WWC2: variants seen among roughly 807,000 people sequenced by gnomAD.
The protein encoded by WWC2 is protein WWC2.
In WWC2, 101 loss-of-function variants were observed where a neutral mutation model predicts 138.5. The ratio of observed to expected loss-of-function variants is 0.73; its 90% confidence interval spans 0.62 to 0.86. The LOEUF (loss-of-function observed/expected upper bound fraction) is 0.86. WWC2 is among the 40% of genes least tolerant of loss of function. The pLI is 0.00. For synonymous variants in WWC2, 558 were observed against 538.4 expected (o/e 1.04, Z -0.50); for missense variants, 1,420 against 1,419.4 (o/e 1.00, Z -0.01).
chr4:183,297,426 T>TGAC (rs1738670233), intron 21 of WWC2, among the ~76,000 whole-genome samples: 1 of 151,588 alleles, frequency 6.6e-6, no homozygotes, highest in Non-Finnish European at 1.5e-5. Flanking sequence ...TTTTTTTTTT[T>TGAC]GACATGGAGC....
At chr4:183,266,599 GT>G (rs1420556985) in intron 14 of WWC2, among the ~76,000 whole-genome samples, 1 of 152,186 alleles carries the variant, frequency 6.6e-6, no homozygotes, top group African/African-American at 2.4e-5. Context: ...TGACATCAGA[GT>G]TTCAGTGACT....
intron 4 of WWC2, among the ~76,000 whole-genome samples, chr4:183,237,236 T>A (rs551178545): frequency 6.6e-6 from 1 of 152,282 alleles, no homozygotes; most frequent in African/African-American, 2.4e-5. Context: ...TGTAACAAAC[T>A]ATTTTCAATG....
intron 1 of WWC2, among the ~76,000 whole-genome samples, chr4:183,147,932 A>G (rs1733510964): frequency 6.6e-6 from 1 of 152,236 alleles, no homozygotes; most frequent in South Asian, 2.1e-4. Context: ...AACAGCCTTT[A>G]TAAAATAAAT....
intron 1 of WWC2, among the ~76,000 whole-genome samples, chr4:183,101,348 A>G (rs902620146): frequency 5.3e-5 from 8 of 152,370 alleles, no homozygotes; most frequent in Middle Eastern, 3.4e-3. Flanking sequence ...CAAGTCAAGC[A>G]TGTCCTTTAT....
intron 21 of WWC2, among the ~76,000 whole-genome samples, chr4:183,304,897 A>G (rs1176151877): frequency 2.0e-5 from 3 of 152,210 alleles, no homozygotes; most frequent in Non-Finnish European, 4.4e-5. Context: ...GAGTTTAAAG[A>G]GGCAAAACAA....
intron 1 of WWC2, among the ~76,000 whole-genome samples, chr4:183,132,099 T>C (rs575239695): frequency 4.1e-4 from 62 of 152,324 alleles, no homozygotes; most frequent in African/African-American, 1.5e-3. Flanking sequence ...AGTTTTATAA[T>C]ATTGATAACA....
chr4:183,217,309 T>C (rs1735785706), intron 4 of WWC2, among the ~76,000 whole-genome samples: 2 of 152,156 alleles, frequency 1.3e-5, no homozygotes, highest in Admixed American at 6.5e-5. Context: ...TTTGGGAGTG[T>C]TGGGTATATT....
Position 183,289,524 on chromosome 4 carries a change from G to C in WWC2, c.3273G>C (p.Arg1091Ser). Residue 1091 changes from arginine (R) to serine (S), a missense_variant, in exon 21 of 23, where the codon AGG becomes AGC. Arg to Ser is a moderately radical substitution (Grantham distance 110). Transcript: ENST00000403733. ...SRLNDELQAL[R>S]DLRQKLEELK... is the part of the protein sequence containing the mutation. ...TCAATGATGAGCTGCAGGCGCTGAG[G>C]GACTTGCGGCAGAAGCTGGAGGAAC... The C allele has an allele frequency of 6.2e-7, 1 of 1,613,974 alleles. No individual in the cohort carries two copies. Among genetic ancestry groups the C allele is most frequent in the Non-Finnish European group, 8.5e-7 (1 of 1,179,884 alleles).
At chr4:183,293,157 G>C (rs759307975) in intron 21 of WWC2, among the ~76,000 whole-genome samples, 1 of 152,150 alleles carries the variant, frequency 6.6e-6, no homozygotes, top group African/African-American at 2.4e-5. Context: ...GTTTTGCCAT[G>C]TTGGCCAGAC....
Position 183,312,358 on chromosome 4 carries a change from A to C in WWC2, c.3402A>C (p.Glu1134Asp). 6.2e-7 allele frequency: 1 copy of C among 1,613,602 alleles called. No homozygotes were observed. The highest frequency in any genetic ancestry group is 1.1e-5 in the South Asian group (1 of 91,060). Residue 1134 changes from glutamate (E) to aspartate (D), a missense_variant, in exon 22 of 23, where the codon GAA (glutamate) becomes GAC (aspartate). By Grantham distance (45) the Glu-to-Asp change is conservative. Coordinates refer to ENST00000403733, the MANE Select transcript of WWC2 (RefSeq NM_024949.6). The part of the protein sequence containing the change: ...QAEKQAEQSK[E>D]EQKQGLNAEK... ...TTTTCCAGGCTGAACAGTCCAAAGA[A>C]GAGCAGAAGCAAGGTCTGAATGCAG...
intron 4 of WWC2, among the ~76,000 whole-genome samples, chr4:183,234,179 T>C (rs940102856): frequency 6.6e-6 from 1 of 152,244 alleles, no homozygotes; most frequent in African/African-American, 2.4e-5. Flanking sequence ...TTTTCAGTCC[T>C]ACTTACCACG....
At chr4:183,245,282 A>T in intron 5 of WWC2, 134 bp from the exon 6 acceptor site, 1 of 500,234 alleles carries the variant, frequency 2.0e-6, no homozygotes, top group Non-Finnish European at 3.0e-6. Context: ...GCCTGAAAAG[A>T]TGATTGCTGG....
At position 183,256,851 on chromosome 4, in the gene WWC2, CA is replaced by C. The variant is rs1225993377; in HGVS notation, c.1197-2787del. On this transcript the variant is annotated intron_variant, in intron 9 of 22. Coordinates refer to ENST00000403733, the MANE Select transcript of WWC2 (RefSeq NM_024949.6). ...TTGGTGTCTGAAGGAGCTAGATGCA[CA>C]TGAATTTTCAGTCTCTGAGTGTGAT... 4.1e-5 allele frequency among the ~76,000 whole-genome samples: 6 copies of C among 145,028 alleles called. No homozygotes were observed. In the Admixed American group the frequency reaches 4.2e-4, roughly 10 times the overall value.
At chr4:183,149,541 G>C (rs543262377) in intron 1 of WWC2, among the ~76,000 whole-genome samples, 1 of 151,612 alleles carries the variant, frequency 6.6e-6, no homozygotes, top group East Asian at 1.9e-4. Context: ...AGAATCGCTT[G>C]AACCTGGGAG....
At chr4:183,160,887 A>G (rs1436920618) in intron 1 of WWC2, among the ~76,000 whole-genome samples, 1 of 152,184 alleles carries the variant, frequency 6.6e-6, no homozygotes, top group Non-Finnish European at 1.5e-5. Flanking sequence ...ATAAGTTGTA[A>G]GGCAACTCCA....
At position 183,248,798 on chromosome 4, in the gene WWC2, T is replaced by A. The variant is rs777272737; in HGVS notation, c.817T>A (p.Ser273Thr). 5.6e-6 allele frequency: 9 copies of A among 1,604,334 alleles called. No individual in the cohort carries two copies. Among genetic ancestry groups the A allele is most frequent in the Non-Finnish European group, 7.7e-6 (9 of 1,174,930 alleles). ...AGATTTGAGATGTAGTCCTGTGAAC[T>A]CTCATTTATGTCTCTCCAGACAGAC... Reference protein sequence around the residue: ...EPDLRCSPVNSHLCLSRQTLD... With the variant: ...EPDLRCSPVNTHLCLSRQTLD... Residue 273 changes from serine (S) to threonine (T), a missense_variant, in exon 7 of 23, where the codon TCT becomes ACT. Transcript: ENST00000403733.
At chr4:183,225,058 GTT>G (rs1319500939) in intron 4 of WWC2, among the ~76,000 whole-genome samples, 1 of 148,924 alleles carries the variant, frequency 6.7e-6, no homozygotes, top group Non-Finnish European at 1.5e-5. Flanking sequence ...CTGAAAAGAT[GTT>G]TTTGACTTTT....
At chr4:183,166,241 A>G (rs1179062924) in intron 1 of WWC2, among the ~76,000 whole-genome samples, 2 of 151,968 alleles carry the variant, frequency 1.3e-5, no homozygotes, top group South Asian at 2.1e-4. Flanking sequence ...AGGGAAATTG[A>G]TAGAATTGGG....
intron 1 of WWC2, 90 bp from the exon 2 acceptor site, chr4:183,193,509 A>T: frequency 9.1e-7 from 1 of 1,095,888 alleles, no homozygotes; most frequent in Admixed American, 2.4e-5. Flanking sequence ...TTTTAAATGC[A>T]ACCTAGACAC....
Sources: gnomAD v4.1 joint callset for allele counts (sites outside exome capture counted in the v4.1 genomes callset) on GRCh38, gnomAD v4.1.1 for gene constraint, MANE v1.5 for transcripts, NCBI Gene and HGNC (gene_info 2026-07-23, HGNC 2026-07-21) for gene names.